DNER: variants seen among roughly 807,000 people sequenced by gnomAD.
The protein encoded by DNER is delta and Notch-like epidermal growth factor-related receptor.
A neutral mutation model predicts 78.2 loss-of-function variants in DNER; 33 were observed. The observed-to-expected ratio is 0.42, with a 90% confidence interval of 0.32 to 0.56. The LOEUF is 0.56. DNER is among the 20% of genes least tolerant of loss of function. DNER has a pLI of 0.11. For synonymous variants in DNER, 417 were observed against 384.8 expected (o/e 1.08, Z -0.98); for missense variants, 918 against 975.3 (o/e 0.94, Z 0.78).
intron 5 of DNER, among the ~76,000 whole-genome samples, chr2:229,528,978 C>A (rs1364391718): frequency 6.6e-6 from 1 of 152,152 alleles, no homozygotes; most frequent in Admixed American, 6.5e-5. Context: ...CATTAGCAGT[C>A]TGTGGATTTC....
chr2:229,394,751 T>C (rs58219993), intron 10 of DNER, among the ~76,000 whole-genome samples: 8,968 of 152,276 alleles, frequency 0.059, 315 homozygotes, highest in Middle Eastern at 0.089. Flanking sequence ...CGGGAGCCCA[T>C]CTAGCAGCAA....
intron 1 of DNER, among the ~76,000 whole-genome samples, chr2:229,648,880 C>T (rs1698764691): frequency 6.6e-6 from 1 of 152,228 alleles, no homozygotes; most frequent in African/African-American, 2.4e-5. Context: ...TCTATATTCA[C>T]TGTTCCAAAC....
intron 9 of DNER, 127 bp from the exon 10 acceptor site, chr2:229,407,472 AG>A: frequency 1.4e-6 from 1 of 724,192 alleles, no homozygotes; most frequent in Non-Finnish European, 2.3e-6. Flanking sequence ...TGTGTGGGTG[AG>A]TGTATACACA....
intron 6 of DNER, among the ~76,000 whole-genome samples, chr2:229,508,993 A>G (rs1454864823): frequency 6.6e-6 from 1 of 152,234 alleles, no homozygotes; most frequent in East Asian, 1.9e-4. Flanking sequence ...GAGAGAAAGG[A>G]GAGGTGAAGG....
chr2:229,507,307 T>C (rs1003397282), intron 6 of DNER, among the ~76,000 whole-genome samples: 6 of 151,636 alleles, frequency 4.0e-5, no homozygotes, highest in African/African-American at 1.5e-4. Context: ...ACTTCTATTA[T>C]TGTTACTGTT....
intron 6 of DNER, among the ~76,000 whole-genome samples, chr2:229,497,191 CT>C (rs1418383918): frequency 8.5e-5 from 13 of 152,096 alleles, no homozygotes; most frequent in Non-Finnish European, 1.2e-4. Flanking sequence ...GCAACATGCT[CT>C]TGCACAACCA....
intron 8 of DNER, among the ~76,000 whole-genome samples, chr2:229,426,209 A>C (rs1574838058): frequency 6.6e-6 from 1 of 152,098 alleles, no homozygotes; most frequent in African/African-American, 2.4e-5. Context: ...TGGGAGGCCG[A>C]GGCGGATGGA....
intron 6 of DNER, among the ~76,000 whole-genome samples, chr2:229,480,893 T>C (rs1174067587): frequency 6.6e-6 from 1 of 152,256 alleles, no homozygotes; most frequent in Non-Finnish European, 1.5e-5. Flanking sequence ...TGTAATGCTC[T>C]AGACCCGTAA....
intron 8 of DNER, among the ~76,000 whole-genome samples, chr2:229,420,165 G>A (rs775285108): frequency 8.6e-5 from 13 of 151,880 alleles, no homozygotes; most frequent in Non-Finnish European, 1.8e-4. Context: ...GTCTATGGCC[G>A]TTTTAACACT....
intron 5 of DNER, among the ~76,000 whole-genome samples, chr2:229,513,893 C>G (rs1695920159): frequency 1.3e-5 from 2 of 152,140 alleles, no homozygotes; most frequent in African/African-American, 4.8e-5. Context: ...CCCTCCCTCC[C>G]TCTCCCTGTC....
chr2:229,678,719 A>G (rs1334041756), intron 1 of DNER, among the ~76,000 whole-genome samples: 1 of 152,204 alleles, frequency 6.6e-6, no homozygotes, highest in Non-Finnish European at 1.5e-5. Flanking sequence ...TGGATTTTAG[A>G]GCCTTAGAAG....
At chr2:229,465,490 G>A (rs936981123) in intron 7 of DNER, among the ~76,000 whole-genome samples, 10 of 152,088 alleles carry the variant, frequency 6.6e-5, no homozygotes. Flanking sequence ...ATACCTAGGT[G>A]ATGGGTTGAT....
chr2:229,586,185 G>A (rs957239921), intron 3 of DNER, among the ~76,000 whole-genome samples, 161 bp from the exon 4 acceptor site: 23 of 152,146 alleles, frequency 1.5e-4, no homozygotes, highest in African/African-American at 4.1e-4. Context: ...CTGTAAAGGC[G>A]TACACTCCCA....
intron 1 of DNER, among the ~76,000 whole-genome samples, chr2:229,656,945 A>G (rs1698922308): frequency 6.6e-6 from 1 of 151,842 alleles, no homozygotes; most frequent in Non-Finnish European, 1.5e-5. Flanking sequence ...GTGATTACCA[A>G]GTCAAGGTAA....
Position 229,512,778 on chromosome 2 carries a change from C to A in DNER, c.1147+5G>T. 6.2e-7 allele frequency: 1 copy of A among 1,613,976 alleles called. No individual in the cohort carries two copies. The highest frequency in any genetic ancestry group is 1.1e-5 in the South Asian group (1 of 91,022). Reference sequence around the variant, plus strand: ...TAATAACTGAACCATGAGTATGTGTCGTACCAGGAAGGCAAACACAGGTGA... The same window carrying A: ...TAATAACTGAACCATGAGTATGTGTAGTACCAGGAAGGCAAACACAGGTGA... On this transcript the variant is annotated splice_donor_5th_base_variant and intron_variant, in intron 6 of 12. Coordinates refer to ENST00000341772, the MANE Select transcript of DNER (RefSeq NM_139072.4).
intron 11 of DNER, among the ~76,000 whole-genome samples, chr2:229,367,378 A>G (rs548968636): frequency 6.6e-6 from 1 of 152,260 alleles, no homozygotes; most frequent in African/African-American, 2.4e-5. Context: ...AGGCAGGTGG[A>G]TCACTTGAGG....
At chr2:229,382,828 T>C (rs1692774480) in intron 11 of DNER, among the ~76,000 whole-genome samples, 1 of 152,118 alleles carries the variant, frequency 6.6e-6, no homozygotes, top group Non-Finnish European at 1.5e-5. Flanking sequence ...TGGAAACAAG[T>C]TGGAAAACAC....
intron 4 of DNER, among the ~76,000 whole-genome samples, chr2:229,569,725 ATTGT>A (rs1433045785): frequency 1.3e-5 from 2 of 151,964 alleles, no homozygotes; most frequent in African/African-American, 4.8e-5. Flanking sequence ...TTACATTATT[ATTGT>A]TTATTTTTTA....
chr2:229,596,047 A>AT (rs948796729), intron 1 of DNER, among the ~76,000 whole-genome samples: 5 of 151,042 alleles, frequency 3.3e-5, no homozygotes, highest in Non-Finnish European at 7.4e-5. Context: ...TAATACATTC[A>AT]TTTTTTTCTT....
Sources: allele counts gnomAD v4.1 joint callset (sites outside exome capture counted in the v4.1 genomes callset), GRCh38; gene constraint gnomAD v4.1.1; transcripts MANE v1.5; gene names NCBI Gene and HGNC (gene_info 2026-07-23, HGNC 2026-07-21).